The following KCNAB1 variants were observed in gnomAD, a reference collection of about 807,000 sequenced individuals.
KCNAB1 encodes potassium voltage-gated channel subfamily A regulatory beta subunit 1, also known as voltage-gated potassium channel subunit beta-1.
In KCNAB1, 35 loss-of-function variants were observed where a neutral mutation model predicts 64.6. The ratio of observed to expected loss-of-function variants is 0.54; its 90% CI spans 0.41 to 0.72. The LOEUF (loss-of-function observed/expected upper bound fraction) is 0.72, where lower values mean the gene tolerates loss of function less well. KCNAB1 is among the 30% of genes least tolerant of loss of function. The pLI, the probability that KCNAB1 is intolerant of heterozygous loss-of-function variation, is 0.00. For missense variants in KCNAB1, 401 were observed against 512.9 expected, an observed-to-expected ratio of 0.78 and a Z score of 2.11; for synonymous variants, 177 against 183.8, an observed-to-expected ratio of 0.96 and a Z score of 0.30.
chr3:156,484,572 G>T (rs983617274), intron 8 of KCNAB1, among the ~76,000 whole-genome samples: 3 of 152,074 alleles, frequency 2.0e-5, no homozygotes, highest in Admixed American at 6.6e-5. Context: ...GATCTCAGGA[G>T]AATTCATTTC....
At chr3:156,380,402 G>A (rs574724313) in intron 1 of KCNAB1, among the ~76,000 whole-genome samples, 58 of 152,196 alleles carry the variant, frequency 3.8e-4, no homozygotes, top group Non-Finnish European at 5.4e-4. Context: ...CATTTATTTC[G>A]GAAGTCCTGA....
intron 8 of KCNAB1, among the ~76,000 whole-genome samples, chr3:156,495,926 A>G (rs1186610991): frequency 1.3e-5 from 2 of 152,152 alleles, no homozygotes; most frequent in Non-Finnish European, 2.9e-5. Flanking sequence ...GTTAGGGTGA[A>G]CTAGGAGTCT....
At chr3:156,137,329 GGGAGAA>G (rs1294525741) in intron 1 of KCNAB1, among the ~76,000 whole-genome samples, 3 of 152,176 alleles carry the variant, frequency 2.0e-5, no homozygotes, top group Admixed American at 6.5e-5. Context: ...TTTGGGTCTA[GGGAGAA>G]GGAGCTAAGG....
chr3:156,438,827 A>C (rs1055534216), intron 2 of KCNAB1, among the ~76,000 whole-genome samples: 2 of 152,170 alleles, frequency 1.3e-5, no homozygotes, highest in Non-Finnish European at 2.9e-5. Flanking sequence ...CAGCCTGACC[A>C]ACAAGGTGAA....
chr3:156,263,492 T>C (rs1718538595), intron 1 of KCNAB1, among the ~76,000 whole-genome samples: 1 of 152,094 alleles, frequency 6.6e-6, no homozygotes, highest in African/African-American at 2.4e-5. Flanking sequence ...AGAATATATT[T>C]TTATAGCATG....
chr3:156,243,858 C>A (rs1383757351), intron 1 of KCNAB1, among the ~76,000 whole-genome samples: 1 of 152,160 alleles, frequency 6.6e-6, no homozygotes, highest in East Asian at 1.9e-4. Flanking sequence ...TGCAGAGATG[C>A]CTAGTAGGCT....
At chr3:156,311,614 A>C (rs779031210) in intron 1 of KCNAB1, among the ~76,000 whole-genome samples, 5 of 152,176 alleles carry the variant, frequency 3.3e-5, no homozygotes, top group Admixed American at 6.5e-5. Context: ...CTTCCACAGG[A>C]GGAATTTGGC....
intron 8 of KCNAB1, among the ~76,000 whole-genome samples, chr3:156,478,636 A>G (rs536296468): frequency 3.3e-5 from 5 of 152,140 alleles, no homozygotes; most frequent in Admixed American, 6.6e-5. Context: ...ATTTTAAACA[A>G]CTTCCATTTA....
intron 1 of KCNAB1, among the ~76,000 whole-genome samples, chr3:156,147,323 A>G (rs1431817025): frequency 1.3e-5 from 2 of 152,232 alleles, no homozygotes; most frequent in Non-Finnish European, 1.5e-5. Context: ...TGTGTAAGGA[A>G]TAATATCCTT....
chr3:156,426,070 G>A (rs1715794730), intron 2 of KCNAB1, among the ~76,000 whole-genome samples: 1 of 152,188 alleles, frequency 6.6e-6, no homozygotes, highest in Non-Finnish European at 1.5e-5. Context: ...AGCAAGAAAT[G>A]AGCCTGGAAA....
chr3:156,333,562 C>T (rs571326029), intron 1 of KCNAB1, among the ~76,000 whole-genome samples: 4 of 151,976 alleles, frequency 2.6e-5, no homozygotes, highest in Non-Finnish European at 5.9e-5. Context: ...GTTCCTAGTT[C>T]TTTTCTGCAC....
chr3:156,128,514 C>T (rs140162419), intron 1 of KCNAB1, among the ~76,000 whole-genome samples: 14 of 152,292 alleles, frequency 9.2e-5, no homozygotes, highest in African/African-American at 2.9e-4. Flanking sequence ...ACACAAATAC[C>T]TACAATTTGT....
At chr3:156,442,874 T>C (rs1717103384) in intron 2 of KCNAB1, among the ~76,000 whole-genome samples, 4 of 152,110 alleles carry the variant, frequency 2.6e-5, no homozygotes, top group Admixed American at 2.6e-4. Flanking sequence ...GTGCATGAGG[T>C]TGGAGACACT....
At chr3:156,465,980 T>A (rs535325789) in intron 7 of KCNAB1, among the ~76,000 whole-genome samples, 1 of 152,338 alleles carries the variant, frequency 6.6e-6, no homozygotes, top group African/African-American at 2.4e-5. Flanking sequence ...TGAGATATAA[T>A]GTACGTATCA....
intron 1 of KCNAB1, among the ~76,000 whole-genome samples, chr3:156,306,918 G>A (rs13324713): frequency 0.015 from 2,308 of 152,294 alleles, 58 homozygotes; most frequent in African/African-American, 0.052. Context: ...ATTCCCTGAC[G>A]CTGAAGAGTC....
At chr3:156,491,669 G>A (rs1466253491) in intron 8 of KCNAB1, among the ~76,000 whole-genome samples, 1 of 151,460 alleles carries the variant, frequency 6.6e-6, no homozygotes, top group Admixed American at 6.6e-5. Flanking sequence ...TTTAATTTAG[G>A]ACTTTTATGC....
chr3:156,438,419 ATCAT>A (rs1278475617), intron 2 of KCNAB1, among the ~76,000 whole-genome samples: 1 of 152,258 alleles, frequency 6.6e-6, no homozygotes, highest in Non-Finnish European at 1.5e-5. Flanking sequence ...TAGTCTATTC[ATCAT>A]TCTTCATGTG....
intron 1 of KCNAB1, among the ~76,000 whole-genome samples, chr3:156,342,609 ATTTTTTT>A (rs59689669): frequency 9.6e-6 from 1 of 104,694 alleles, no homozygotes; most frequent in African/African-American, 3.5e-5. Context: ...TTTTTTTTTA[ATTTTTTT>A]TTTTTTTATT....
At chr3:156,398,250 G>A (rs1455355975) in intron 1 of KCNAB1, among the ~76,000 whole-genome samples, 1 of 152,116 alleles carries the variant, frequency 6.6e-6, no homozygotes, top group African/African-American at 2.4e-5. Flanking sequence ...TGGGAAAAGG[G>A]GAGGGAAAGC....
Sources: allele counts gnomAD v4.1 joint callset (sites outside exome capture counted in the v4.1 genomes callset), GRCh38; gene constraint gnomAD v4.1.1; transcripts MANE v1.5; gene names NCBI Gene and HGNC (gene_info 2026-07-23, HGNC 2026-07-21).